The following PIEZO2 variants were observed in gnomAD, a reference collection of about 807,000 sequenced individuals.
The protein encoded by PIEZO2 is piezo type mechanosensitive ion channel component 2.
In PIEZO2, 172 loss-of-function variants were observed where a neutral mutation model predicts 337.3. The observed-to-expected ratio is 0.51, with a 90% CI of 0.45 to 0.58. PIEZO2 has a LOEUF of 0.58. Ranked by LOEUF, PIEZO2 falls within the 20% of genes least tolerant of loss-of-function variation. The pLI is 0.00. For missense variants in PIEZO2, 3,028 were observed against 3,391.3 expected (o/e 0.89, Z 2.66); for synonymous variants, 1,251 against 1,228.5 (o/e 1.02, Z -0.38).
intron 7 of PIEZO2, among the ~76,000 whole-genome samples, chr18:10,823,279 A>G (rs1365008697): frequency 6.6e-6 from 1 of 152,198 alleles, no homozygotes; most frequent in Non-Finnish European, 1.5e-5. Context: ...AATTTTGCAA[A>G]AGTAGGAAAT....
chr18:10,682,474 G>C lies in PIEZO2; in HGVS notation c.7498-182C>G, dbSNP rs765849897. ...TGTCCCAATCTCGAAATGAAGTTAG[G>C]TAGTGATGTGAAGCTGTCCTGAGGT... is the stretch of plus-strand genomic sequence containing the variant. On this transcript the variant is annotated intron_variant, in intron 49 of 55. Coordinates refer to ENST00000674853, the MANE Select transcript of PIEZO2 (RefSeq NM_001378183.1). The surrounding 1 kb of genome is among the most constrained non-coding windows in gnomAD (Gnocchi z 5.6). 3.3e-4 allele frequency among the ~76,000 whole-genome samples: 50 copies of C among 152,198 alleles called. No homozygotes were observed. Among genetic ancestry groups the C allele is most frequent in the Admixed American group, 2.6e-4 (4 of 15,282 alleles).
chr18:11,120,665 C>G (rs1430910672), intron 1 of PIEZO2, among the ~76,000 whole-genome samples: 1 of 152,154 alleles, frequency 6.6e-6, no homozygotes, highest in African/African-American at 2.4e-5. Flanking sequence ...TAAAGAAGTA[C>G]CATCAATTTA....
In PIEZO2 at chr18:10,828,875, A is replaced by G. The variant is rs2144522026; in HGVS notation, c.918-21601T>C. Among the ~76,000 whole-genome samples, 1 of 152,306 alleles carries G rather than the reference A, an allele frequency of 6.6e-6. No individual in the cohort carries two copies. Among genetic ancestry groups the G allele is most frequent in the East Asian group, 1.9e-4 (1 of 5,186 alleles). ...ATGAGTTCAATGTATGCTGAGATTA[A>G]CAACAGAGACAGTTGAGCTTTGCTG... On this transcript the variant is annotated intron_variant, in intron 7 of 55. Coordinates refer to ENST00000674853, the MANE Select transcript of PIEZO2 (RefSeq NM_001378183.1). The surrounding 1 kb of genome is among the most constrained non-coding windows in gnomAD (Gnocchi z 4.1).
chr18:10,696,099 AGAAC>A lies in PIEZO2; in HGVS notation c.7161_7164del (p.Met2387IlefsTer7). ...CTCTCAGTCACACCAGGTAAGATGA[AGAAC>A]ATCCAGAAGTGAATTCCGAACACAA... is the stretch of plus-strand genomic sequence containing the variant. On this transcript the variant is annotated frameshift_variant, in exon 47 of 56. Transcript: ENST00000674853. LOFTEE classifies it high-confidence loss of function. 1 of 1,614,152 alleles carries A rather than the reference AGAAC, an allele frequency of 6.2e-7. No homozygotes were observed. Among genetic ancestry groups the A allele is most frequent in the Non-Finnish European group, 8.5e-7 (1 of 1,179,970 alleles).
chr18:11,115,616 C>T (rs2039865688), intron 1 of PIEZO2, among the ~76,000 whole-genome samples: 1 of 152,080 alleles, frequency 6.6e-6, no homozygotes, highest in Admixed American at 6.6e-5. Flanking sequence ...TGTATAAAGT[C>T]CTAAGCAAAA....
chr18:10,781,573 A>C lies in PIEZO2; in HGVS notation c.2493-1207T>G, dbSNP rs551915343. ...AATGTTATACGTTATAATTCTTATA[A>C]TATGAAATTCTATCAATATATAGGT... is the stretch of plus-strand genomic sequence containing the variant. On this transcript the variant is annotated intron_variant, in intron 17 of 55. Transcript: ENST00000674853. This position sits in a 1 kb window ranked among gnomAD's most constrained non-coding sequence, Gnocchi z 4.1. Among the ~76,000 whole-genome samples, 6 of 152,210 alleles carry C rather than the reference A, an allele frequency of 3.9e-5. No individual in the cohort carries two copies. The highest frequency in any genetic ancestry group is 1.9e-4 in the East Asian group (1 of 5,188).
chr18:10,856,603 G>A lies in PIEZO2; in HGVS notation c.703+398C>T, dbSNP rs991726945. The stretch of plus-strand genomic sequence containing the variant: ...TGGAGAGTTATATTAAGGTGACTAT[G>A]GACTCATGTAAGCAGACAGACCTCC... On this transcript the variant is annotated intron_variant, in intron 6 of 55. Coordinates refer to ENST00000674853, the MANE Select transcript of PIEZO2 (RefSeq NM_001378183.1). This position sits in a 1 kb window ranked among gnomAD's most constrained non-coding sequence, Gnocchi z 4.7. Among the ~76,000 whole-genome samples, 1 of 152,140 alleles carries A rather than the reference G, an allele frequency of 6.6e-6. No homozygotes were observed. Among genetic ancestry groups the A allele is most frequent in the South Asian group, 2.1e-4 (1 of 4,820 alleles).
intron 9 of PIEZO2, among the ~76,000 whole-genome samples, chr18:10,802,140 T>C (rs1261655865): frequency 1.3e-5 from 2 of 150,250 alleles, no homozygotes; most frequent in South Asian, 2.1e-4. Context: ...ATTTGTAATG[T>C]GGTTAGAGAT....
chr18:10,998,601 C>G (rs1188163703), intron 2 of PIEZO2, among the ~76,000 whole-genome samples: 1 of 152,002 alleles, frequency 6.6e-6, no homozygotes, highest in African/African-American at 2.4e-5. Context: ...ATAACTCATG[C>G]TAACTCCAAA....
In PIEZO2 at chr18:10,726,653, G is replaced by A; in HGVS notation, c.5029+4754C>T. The A allele has an allele frequency of 1.4e-6, 2 of 1,421,432 alleles. No homozygotes were observed. The highest frequency in any genetic ancestry group is 1.9e-6 in the Non-Finnish European group (2 of 1,044,846). 88.1% of individuals were successfully genotyped at this position (1,421,432 alleles called of 1,614,324 possible). Reference sequence around the variant, plus strand: ...GAGTACTGCGCGCGCGCCAAGCGCGGCCAGACAGACACCTCGCTGCCAAGT... The same window carrying A: ...GAGTACTGCGCGCGCGCCAAGCGCGACCAGACAGACACCTCGCTGCCAAGT... On this transcript the variant is annotated intron_variant, in intron 36 of 55. Coordinates refer to ENST00000674853, the MANE Select transcript of PIEZO2 (RefSeq NM_001378183.1). This position sits in a 1 kb window ranked among gnomAD's most constrained non-coding sequence, Gnocchi z 5.9.
chr18:11,091,636 A>G (rs1010596293), intron 1 of PIEZO2, among the ~76,000 whole-genome samples: 3 of 152,116 alleles, frequency 2.0e-5, no homozygotes, highest in Non-Finnish European at 4.4e-5. Context: ...AAGGCTAACT[A>G]TTTCATGGAT....
chr18:10,672,531 C>T lies in PIEZO2; in HGVS notation c.8345+159G>A, dbSNP rs2033823826. On this transcript the variant is annotated intron_variant, in intron 55 of 55. Transcript: ENST00000674853. The surrounding 1 kb of genome is among the most constrained non-coding windows in gnomAD (Gnocchi z 4.7). ...TTTTGATCTCTTTGGGACTCTGGTG[C>T]CTCATTTTTTGAAATAAAATGCACA... 6.6e-6 allele frequency among the ~76,000 whole-genome samples: 1 copy of T among 152,046 alleles called. No homozygotes were observed. The highest frequency in any genetic ancestry group is 1.5e-5 in the Non-Finnish European group (1 of 68,028).
intron 3 of PIEZO2, among the ~76,000 whole-genome samples, chr18:10,956,434 T>A (rs1444381037): frequency 6.6e-6 from 1 of 152,100 alleles, no homozygotes; most frequent in Non-Finnish European, 1.5e-5. Flanking sequence ...AAACTAATAT[T>A]GTTAAAATCT....
rs745360966 is a variant in PIEZO2, at chr18:10,696,407, G to A, written c.6960C>T (p.Gly2320=). The change falls in exon 46 of 56, where the codon GGC becomes GGT. Residue 2320 remains glycine (G), a synonymous_variant. Transcript: ENST00000674853. ...CCCAACCTACCCCAAAGGCCCAAAA[G>A]CCGAAGACAATGATGATGAAGTCCA... The part of the protein sequence containing the change: ...DTVDFIIIVF[G]FWAFGKHSAA... 2.5e-6 allele frequency: 4 copies of A among 1,614,248 alleles called. No individual in the cohort carries two copies. In the Admixed American group the frequency reaches 5.0e-5, roughly 20 times the overall value.
At position 10,895,461 on chromosome 18, in the gene PIEZO2, A is replaced by G. The variant is rs182333629; in HGVS notation, c.329+15725T>C. Among the ~76,000 whole-genome samples the G allele has an allele frequency of 1.2e-3, 190 of 152,010 alleles. 2 individuals carry two copies. Among genetic ancestry groups the G allele is most frequent in the African/African-American group, 4.4e-3 (182 of 41,450 alleles). On this transcript the variant is annotated intron_variant, in intron 4 of 55. Transcript: ENST00000674853. This position sits in a 1 kb window ranked among gnomAD's most constrained non-coding sequence, Gnocchi z 4.8. Reference sequence around the variant, plus strand: ...ACTCCGTCTCAAAAATAATAATAATAATAGTAAGTCAAAAAAGAAAGTCAA... The same window carrying G: ...ACTCCGTCTCAAAAATAATAATAATGATAGTAAGTCAAAAAAGAAAGTCAA...
chr18:10,744,019 G>T (rs2037327056), intron 31 of PIEZO2, 123 bp downstream of exon 31: 2 of 623,700 alleles, frequency 3.2e-6, no homozygotes, highest in Non-Finnish European at 5.4e-6. Flanking sequence ...TAAATAGGAA[G>T]TTGTGAAAGT....
intron 2 of PIEZO2, among the ~76,000 whole-genome samples, chr18:10,998,861 C>CAAAAAAAAAAA (rs10544415): frequency 2.5e-5 from 3 of 118,816 alleles, no homozygotes; most frequent in African/African-American, 3.0e-5. Flanking sequence ...TCAAATACAG[C>CAAAAAAAAAAA]AAAAAAAAAA....
intron 15 of PIEZO2, 90 bp downstream of exon 15, chr18:10,788,989 A>G (rs1050036480): frequency 1.5e-6 from 2 of 1,335,146 alleles, no homozygotes; most frequent in Non-Finnish European, 2.0e-6. Context: ...CATGTTCATG[A>G]GATTCTAGTG....
chr18:11,108,441 T>C (rs538077652), intron 1 of PIEZO2, among the ~76,000 whole-genome samples: 53 of 142,934 alleles, frequency 3.7e-4, no homozygotes, highest in Non-Finnish European at 7.0e-4. Context: ...CGGTGAAACC[T>C]CGTCTCTACT....
Sources: gnomAD v4.1 joint callset for allele counts (sites outside exome capture counted in the v4.1 genomes callset) on GRCh38, gnomAD v4.1.1 for gene constraint, Gnocchi (gnomAD v3.1) non-coding constraint, MANE v1.5 for transcripts, NCBI Gene and HGNC (gene_info 2026-07-23, HGNC 2026-07-21) for gene names.